The following EBF1 variants were observed in gnomAD, a reference collection of about 807,000 sequenced individuals.
The protein encoded by EBF1 is EBF transcription factor 1.
A neutral mutation model predicts 68.4 loss-of-function variants in EBF1; 10 were observed. That is an observed-to-expected ratio of 0.15 (90% confidence interval 0.09 to 0.25). EBF1 has a LOEUF of 0.25. EBF1 is among the 10% of genes least tolerant of loss of function. The pLI is 1.00. For missense variants in EBF1, 509 were observed against 794.4 expected (o/e 0.64, Z 4.32); for synonymous variants, 298 against 299.8 (o/e 0.99, Z 0.06).
intron 15 of EBF1, among the ~76,000 whole-genome samples, chr5:158,699,738 A>C (rs1756331864): frequency 6.6e-6 from 1 of 152,188 alleles, no homozygotes; most frequent in African/African-American, 2.4e-5. Flanking sequence ...CTGGGAGGAG[A>C]AGACAGGTTT....
intron 10 of EBF1, among the ~76,000 whole-genome samples, chr5:158,755,966 T>C (rs1230870655): frequency 6.6e-6 from 1 of 152,152 alleles, no homozygotes; most frequent in Non-Finnish European, 1.5e-5. Context: ...ATCAGATACT[T>C]TTGTTTTTAA....
intron 6 of EBF1, among the ~76,000 whole-genome samples, chr5:158,894,560 G>A (rs979426573): frequency 1.1e-4 from 17 of 152,028 alleles, no homozygotes; most frequent in African/African-American, 2.4e-4. Flanking sequence ...AATTACTTGC[G>A]GCATGTAGAG....
intron 6 of EBF1, among the ~76,000 whole-genome samples, chr5:158,920,420 G>C (rs377246728): frequency 4.6e-5 from 7 of 152,280 alleles, no homozygotes; most frequent in African/African-American, 1.4e-4. Context: ...TGAAACTTCA[G>C]CTCTAAAGAG....
chr5:158,718,697 C>G (rs900043747), intron 11 of EBF1, among the ~76,000 whole-genome samples: 9 of 152,172 alleles, frequency 5.9e-5, no homozygotes, highest in Non-Finnish European at 1.5e-5. Context: ...CAACCCCAGG[C>G]CTGTTAGACA....
At chr5:158,826,909 C>T (rs949811041) in intron 7 of EBF1, among the ~76,000 whole-genome samples, 1 of 152,142 alleles carries the variant, frequency 6.6e-6, no homozygotes, top group East Asian at 1.9e-4. Context: ...CAATCCCCCT[C>T]TATTTAGAAT....
chr5:158,707,686 C>A, intron 15 of EBF1: 2 of 395,978 alleles, frequency 5.1e-6, no homozygotes, highest in East Asian at 7.0e-5. Flanking sequence ...AGAAATGATG[C>A]TGTTAGTCAG....
At chr5:159,024,183 T>C (rs1181391474) in intron 6 of EBF1, among the ~76,000 whole-genome samples, 1 of 151,962 alleles carries the variant, frequency 6.6e-6, no homozygotes, top group Non-Finnish European at 1.5e-5. Flanking sequence ...TTCCAGGAGC[T>C]CAACAGATCC....
chr5:158,867,155 G>C (rs1174781189), intron 6 of EBF1, among the ~76,000 whole-genome samples: 1 of 151,990 alleles, frequency 6.6e-6, no homozygotes, highest in African/African-American at 2.4e-5. Context: ...CAGGTTTCAG[G>C]ATAGCCTGAC....
At chr5:158,767,362 A>T (rs545507068) in intron 10 of EBF1, among the ~76,000 whole-genome samples, 1 of 152,284 alleles carries the variant, frequency 6.6e-6, no homozygotes, top group South Asian at 2.1e-4. Flanking sequence ...GTCAGAACTC[A>T]CGTGTCCTAG....
At chr5:158,882,657 A>G (rs541921423) in intron 6 of EBF1, among the ~76,000 whole-genome samples, 1 of 152,382 alleles carries the variant, frequency 6.6e-6, no homozygotes, top group East Asian at 1.9e-4. Context: ...AAAATAAAAA[A>G]GGATAGGAAA....
At chr5:158,707,292 C>T (rs1002254215) in intron 15 of EBF1, among the ~76,000 whole-genome samples, 1 of 152,088 alleles carries the variant, frequency 6.6e-6, no homozygotes, top group African/African-American at 2.4e-5. Context: ...GGTGGGTAAC[C>T]TTTTATTCTT....
chr5:158,876,158 A>G (rs1191225084), intron 6 of EBF1, among the ~76,000 whole-genome samples: 1 of 152,202 alleles, frequency 6.6e-6, no homozygotes, highest in South Asian at 2.1e-4. Context: ...AATATAAAAT[A>G]TAATAATATT....
intron 6 of EBF1, among the ~76,000 whole-genome samples, chr5:158,846,722 C>T (rs942190814): frequency 6.6e-6 from 1 of 152,158 alleles, no homozygotes; most frequent in Non-Finnish European, 1.5e-5. Flanking sequence ...AATCTGATAC[C>T]CATAAGGCTG....
intron 15 of EBF1, 98 bp from the exon 16 acceptor site, chr5:158,699,240 A>G (rs1291809469): frequency 4.8e-6 from 6 of 1,251,306 alleles, no homozygotes; most frequent in Non-Finnish European, 6.7e-6. Flanking sequence ...CCCACACACA[A>G]CTATGTTGTT....
chr5:158,702,991 T>C (rs1435069386), intron 15 of EBF1, among the ~76,000 whole-genome samples: 1 of 152,116 alleles, frequency 6.6e-6, no homozygotes, highest in Admixed American at 6.5e-5. Context: ...GGCCTTTTTG[T>C]TTTTAATTTT....
intron 6 of EBF1, among the ~76,000 whole-genome samples, chr5:158,972,862 C>A (rs1755922984): frequency 6.6e-6 from 1 of 152,202 alleles, no homozygotes; most frequent in Admixed American, 6.5e-5. Flanking sequence ...CAGGCACACT[C>A]CCTGCAGGGC....
chr5:158,812,869 A>C (rs1407370883), intron 8 of EBF1, among the ~76,000 whole-genome samples: 1 of 152,192 alleles, frequency 6.6e-6, no homozygotes, highest in East Asian at 1.9e-4. Flanking sequence ...TTGTTTAAAA[A>C]TAAAAAAACA....
intron 10 of EBF1, among the ~76,000 whole-genome samples, chr5:158,754,255 A>G (rs2127597429): frequency 6.6e-6 from 1 of 152,252 alleles, no homozygotes; most frequent in Admixed American, 6.5e-5. Flanking sequence ...CTTGAAATAT[A>G]AAAGCTGACT....
intron 10 of EBF1, among the ~76,000 whole-genome samples, chr5:158,774,640 G>A (rs951533423): frequency 1.3e-5 from 2 of 152,122 alleles, no homozygotes; most frequent in Non-Finnish European, 2.9e-5. Flanking sequence ...CATTTGCAAT[G>A]ATCTGAGCAG....
Sources: allele counts gnomAD v4.1 joint callset (sites outside exome capture counted in the v4.1 genomes callset), GRCh38; gene constraint gnomAD v4.1.1; transcripts MANE v1.5; gene names NCBI Gene and HGNC (gene_info 2026-07-23, HGNC 2026-07-21).